PCDHGA7: variants seen among roughly 807,000 people sequenced by gnomAD.
PCDHGA7 encodes the protein protocadherin gamma subfamily A, 7.
In PCDHGA7, 44 loss-of-function variants were observed where a neutral mutation model predicts 58.3. The ratio of observed to expected loss-of-function variants is 0.75; its 90% CI spans 0.59 to 0.97. The LOEUF (loss-of-function observed/expected upper bound fraction) is 0.97. PCDHGA7 is among the 50% of genes least tolerant of loss of function. The pLI is 0.00. For synonymous variants in PCDHGA7, 516 were observed against 504.2 expected (o/e 1.02, Z -0.31); for missense variants, 1,266 against 1,188.7 (o/e 1.06, Z -0.96).
At chr5:141,433,358 C>CTAT (rs2097585632) in intron 1 of PCDHGA7, 108 of 504,044 alleles carry the variant, frequency 2.1e-4, no homozygotes, top group African/African-American at 2.0e-3. Flanking sequence ...CTACTGTCTG[C>CTAT]CTATCTATCT....
Position 141,432,126 on chromosome 5 carries a change from C to A in PCDHGA7, c.2424+46803C>A. 6.2e-7 allele frequency: 1 copy of A among 1,614,144 alleles called. No homozygotes were observed. Among genetic ancestry groups the A allele is most frequent in the South Asian group, 1.1e-5 (1 of 91,058 alleles). ...AACCCGCCGGTCTTCCCTCAGGCCT[C>A]CTATTCCGCTTATATCCCAGAGAAC... On this transcript the variant is annotated intron_variant, in intron 1 of 3. Transcript: ENST00000518325. The surrounding 1 kb of genome is among the most constrained non-coding windows in gnomAD (Gnocchi z 6.0).
chr5:141,481,434 A>C (rs1374254063), intron 1 of PCDHGA7, among the ~76,000 whole-genome samples: 1 of 152,256 alleles, frequency 6.6e-6, no homozygotes, highest in East Asian at 1.9e-4. Context: ...TGATTGTATC[A>C]GTTTAGTACA....
chr5:141,410,410 A>G, intron 1 of PCDHGA7: 1 of 1,613,986 alleles, frequency 6.2e-7, no homozygotes, highest in Non-Finnish European at 8.5e-7. Context: ...TCAAGTCTGG[A>G]CCTGTAGTTC....
At chr5:141,399,362 C>G (rs182743080) in intron 1 of PCDHGA7, 1 of 1,613,872 alleles carries the variant, frequency 6.2e-7, no homozygotes, top group Non-Finnish European at 8.5e-7. Context: ...GAGCAAACCC[C>G]GGAGTACAAT....
rs112808093 is a variant in PCDHGA7, at chr5:141,489,579, C to T, written c.2425-5228C>T. On this transcript the variant is annotated intron_variant, in intron 1 of 3. Transcript: ENST00000518325. The surrounding 1 kb of genome is among the most constrained non-coding windows in gnomAD (Gnocchi z 4.5). ...CAGTGCAGGTGGTGACTGAACACCC[C>T]CTGGAGCTAATCCGTGTAGAGGTAG... is the stretch of plus-strand genomic sequence containing the variant. 211 of 1,614,038 alleles carry T rather than the reference C, an allele frequency of 1.3e-4. 1 individual carries two copies. In the African/African-American group the frequency reaches 1.7e-3, roughly 13 times the overall value.
chr5:141,414,752 ATG>A, intron 1 of PCDHGA7: 2 of 1,614,228 alleles, frequency 1.2e-6, no homozygotes, highest in Non-Finnish European at 1.7e-6. Context: ...TCCTTCGACT[ATG>A]AGCAGTTTCA....
intron 1 of PCDHGA7, among the ~76,000 whole-genome samples, chr5:141,463,999 C>A (rs1261262637): frequency 1.3e-5 from 2 of 152,056 alleles, no homozygotes; most frequent in African/African-American, 4.8e-5. Flanking sequence ...GGTGCAGTGG[C>A]TCATGCTTGT....
chr5:141,398,962 T>A lies in PCDHGA7; in HGVS notation c.2424+13639T>A, dbSNP rs568248356. ...CGAGGGCATCAACTCAGAAATTACT[T>A]ATTCCTTCTACAGAACCGGGCAAAT... On this transcript the variant is annotated intron_variant, in intron 1 of 3. Coordinates refer to ENST00000518325, the MANE Select transcript of PCDHGA7 (RefSeq NM_018920.4). The A allele has an allele frequency of 2.6e-5, 42 of 1,613,934 alleles. No individual in the cohort carries two copies. Among genetic ancestry groups the A allele is most frequent in the Middle Eastern group, 3.3e-4 (2 of 6,062 alleles).
At chr5:141,446,642 A>T (rs939365233) in intron 1 of PCDHGA7, among the ~76,000 whole-genome samples, 2 of 151,970 alleles carry the variant, frequency 1.3e-5, no homozygotes, top group Admixed American at 1.3e-4. Flanking sequence ...ACGCCTGGCT[A>T]ATTTTTGTAT....
In PCDHGA7 at chr5:141,431,779, G is replaced by A; in HGVS notation, c.2424+46456G>A. 2 of 1,614,232 alleles carry A rather than the reference G, an allele frequency of 1.2e-6. No individual in the cohort carries two copies. Among genetic ancestry groups the A allele is most frequent in the Non-Finnish European group, 1.7e-6 (2 of 1,180,030 alleles). ...AAGTCCTGATCACTGTTCTGGACGT[G>A]AACGACAATGCCCCAGAAGTGGTCC... On this transcript the variant is annotated intron_variant, in intron 1 of 3. Transcript: ENST00000518325. This position sits in a 1 kb window ranked among gnomAD's most constrained non-coding sequence, Gnocchi z 4.8.
intron 1 of PCDHGA7, among the ~76,000 whole-genome samples, chr5:141,444,253 C>T (rs2154560603): frequency 7.0e-6 from 1 of 142,690 alleles, no homozygotes; most frequent in South Asian, 2.3e-4. Flanking sequence ...CTCACTGCAA[C>T]CTCCGCCTCC....
intron 1 of PCDHGA7, chr5:141,428,285 C>G (rs765814584): frequency 1.1e-5 from 8 of 734,934 alleles, no homozygotes; most frequent in Non-Finnish European, 1.7e-5. Context: ...GATTCCCAAG[C>G]AAAGCTGCAG....
Position 141,490,282 on chromosome 5 carries a change from C to T in PCDHGA7, c.2425-4525C>T, listed in dbSNP as rs763429413. 1.2e-6 allele frequency: 2 copies of T among 1,614,194 alleles called. No individual in the cohort carries two copies. The highest frequency in any genetic ancestry group is 1.7e-6 in the Non-Finnish European group (2 of 1,180,036). ...TGTGGGGGATGTCAATGACAATGCC[C>T]CAGAGGTGCTATTGGCCTCTTTGGC... On this transcript the variant is annotated intron_variant, in intron 1 of 3. Transcript: ENST00000518325. This position sits in a 1 kb window ranked among gnomAD's most constrained non-coding sequence, Gnocchi z 5.4.
At chr5:141,464,556 G>A (rs1158827360) in intron 1 of PCDHGA7, among the ~76,000 whole-genome samples, 4 of 151,990 alleles carry the variant, frequency 2.6e-5, no homozygotes, top group Admixed American at 6.6e-5. Flanking sequence ...TCCCCATCTT[G>A]CATTCCTACA....
At chr5:141,448,654 A>G (rs966383140) in intron 1 of PCDHGA7, among the ~76,000 whole-genome samples, 1 of 152,048 alleles carries the variant, frequency 6.6e-6, no homozygotes, top group African/African-American at 2.4e-5. Context: ...AAATATTTCC[A>G]TATTGGCCGG....
chr5:141,384,254 T>A lies in PCDHGA7; in HGVS notation c.1355T>A (p.Phe452Tyr). 1.9e-6 allele frequency: 3 copies of A among 1,613,674 alleles called. No individual in the cohort carries two copies. Among genetic ancestry groups the A allele is most frequent in the Non-Finnish European group, 2.5e-6 (3 of 1,179,862 alleles). The change falls in exon 1 of 4, where the codon TTC becomes TAC. Residue 452 changes from phenylalanine to tyrosine, a missense_variant. Coordinates refer to ENST00000518325, the MANE Select transcript of PCDHGA7 (RefSeq NM_018920.4). Reference protein sequence around the residue: ...VADTNDNPPTFPHSSYSVYIA... With the variant: ...VADTNDNPPTYPHSSYSVYIA... Reference sequence around the variant, plus strand: ...GACACCAACGATAACCCACCCACCTTCCCCCACTCATCCTACTCAGTCTAC... The same window carrying A: ...GACACCAACGATAACCCACCCACCTACCCCCACTCATCCTACTCAGTCTAC...
intron 1 of PCDHGA7, among the ~76,000 whole-genome samples, chr5:141,433,513 C>T (rs2097615953): frequency 6.6e-6 from 1 of 152,066 alleles, no homozygotes; most frequent in Non-Finnish European, 1.5e-5. Flanking sequence ...GGATTACAGG[C>T]GTGAACCACA....
At chr5:141,423,192 C>T in intron 1 of PCDHGA7, 2 of 1,613,622 alleles carry the variant, frequency 1.2e-6, no homozygotes, top group African/African-American at 2.7e-5. Context: ...AGCCCCCTCT[C>T]TCGGCCACCG....
At chr5:141,387,706 C>T in intron 1 of PCDHGA7, 1 of 992,322 alleles carries the variant, frequency 1.0e-6, no homozygotes. Flanking sequence ...CCAGGGCAGC[C>T]CCAGCTCAGA....
Sources: gnomAD v4.1 joint callset for allele counts (sites outside exome capture counted in the v4.1 genomes callset) on GRCh38, gnomAD v4.1.1 for gene constraint, Gnocchi (gnomAD v3.1) non-coding constraint, MANE v1.5 for transcripts, NCBI Gene and HGNC (gene_info 2026-07-23, HGNC 2026-07-21) for gene names.